Variants in SASH1 observed in about 807,000 individuals in gnomAD.
SASH1 encodes SAM and SH3 domain containing 1, also known as SAM and SH3 domain-containing protein 1.
In SASH1, 44 loss-of-function variants were observed where a neutral mutation model predicts 125.2. That is an observed-to-expected ratio of 0.35 (90% CI 0.28 to 0.45). The LOEUF is 0.45. SASH1 is among the 20% of genes least tolerant of loss of function. The probability of loss-of-function intolerance (pLI) is 1.00; values close to 1 mark genes in which losing one functional copy is unlikely to be tolerated. For synonymous variants in SASH1, 639 were observed against 649.1 expected, an observed-to-expected ratio of 0.98 and a Z score of 0.24; for missense variants, 1,426 against 1,614.5, an observed-to-expected ratio of 0.88 and a Z score of 2.00.
At chr6:148,452,616 C>T (rs1777153466) in intron 4 of SASH1, among the ~76,000 whole-genome samples, 1 of 152,174 alleles carries the variant, frequency 6.6e-6, no homozygotes, top group African/African-American at 2.4e-5. Context: ...AAAGCATGCA[C>T]AAAAACAGCT....
At chr6:148,238,550 G>A in the SASH1 span, among the ~76,000 whole-genome samples, 10 of 151,772 alleles carry the variant, frequency 6.6e-5, no homozygotes, top group African/African-American at 2.4e-4. Context: ...TATACCATAT[G>A]AAGTTTTCCA....
At chr6:148,251,021 C>T in the SASH1 span, among the ~76,000 whole-genome samples, 1 of 152,016 alleles carries the variant, frequency 6.6e-6, no homozygotes, top group Admixed American at 6.6e-5. Flanking sequence ...AAGAGTCATC[C>T]TTAGTAGCTG....
chr6:148,247,332 A>G, the SASH1 span, among the ~76,000 whole-genome samples: 2 of 152,220 alleles, frequency 1.3e-5, no homozygotes, highest in East Asian at 3.9e-4. Flanking sequence ...CTTGGTAAGC[A>G]TGAAATAGAA....
chr6:148,214,140 C>T, the SASH1 span, among the ~76,000 whole-genome samples: 1 of 152,166 alleles, frequency 6.6e-6, no homozygotes, highest in African/African-American at 2.4e-5. Flanking sequence ...GCAATATATT[C>T]AGGCTGGCTT....
At chr6:148,305,875 A>C (rs1780116516) in intron 1 of SASH1, among the ~76,000 whole-genome samples, 1 of 152,174 alleles carries the variant, frequency 6.6e-6, no homozygotes, top group Admixed American at 6.5e-5. Flanking sequence ...TTGTTAAATC[A>C]GGTACCAGAA....
chr6:148,460,098 T>C (rs906049257), intron 4 of SASH1, among the ~76,000 whole-genome samples: 2 of 152,210 alleles, frequency 1.3e-5, no homozygotes, highest in African/African-American at 4.8e-5. Context: ...GCAGGAAAGA[T>C]AATGTTTAGT....
rs146398154 is a variant in SASH1 at position 148,446,022 on chromosome 6, A to G, written c.386+5615A>G. Among the ~76,000 whole-genome samples, 8 of 151,328 alleles carry G rather than the reference A, an allele frequency of 5.3e-5. No individual in the cohort carries two copies. In the East Asian group the frequency reaches 1.4e-3, roughly 26 times the overall value. On this transcript the variant is annotated intron_variant, in intron 4 of 19. Coordinates refer to ENST00000367467, the MANE Select transcript of SASH1 (RefSeq NM_015278.5). ...ATTGGGTCACTTGACCACCATAGCT[A>G]TAAGGGAGTTTAGAGAAGTGAGCAT...
intron 4 of SASH1, among the ~76,000 whole-genome samples, chr6:148,462,030 C>CA (rs1439810086): frequency 6.7e-6 from 1 of 149,240 alleles, no homozygotes; most frequent in Non-Finnish European, 1.5e-5. Context: ...ATGTGTCAGG[C>CA]TTTTTTTTTT....
intron 1 of SASH1, among the ~76,000 whole-genome samples, chr6:148,278,476 A>G (rs1779250365): frequency 6.6e-6 from 1 of 152,056 alleles, no homozygotes. Flanking sequence ...GTCTTTTCAC[A>G]TGTCCTGGAA....
intron 1 of SASH1, among the ~76,000 whole-genome samples, chr6:148,363,590 C>T (rs1405223052): frequency 7.2e-5 from 11 of 152,020 alleles, no homozygotes; most frequent in Non-Finnish European, 1.2e-4. Context: ...TTAGTAGGGA[C>T]GGGGTTTCAC....
the SASH1 span, among the ~76,000 whole-genome samples, chr6:148,250,708 G>A: frequency 6.6e-6 from 1 of 152,070 alleles, no homozygotes; most frequent in South Asian, 2.1e-4. Flanking sequence ...TGATAGGTGG[G>A]CAGAGCTTCC....
At chr6:148,402,357 C>G (rs1269468130) in intron 2 of SASH1, among the ~76,000 whole-genome samples, 1 of 152,138 alleles carries the variant, frequency 6.6e-6, no homozygotes, top group Admixed American at 6.5e-5. Flanking sequence ...GTCACCCAGG[C>G]TGGAGTGAAG....
intron 1 of SASH1, among the ~76,000 whole-genome samples, chr6:148,287,705 G>C (rs1269526055): frequency 1.8e-5 from 1 of 55,488 alleles, no homozygotes; most frequent in African/African-American, 9.1e-5. Context: ...GGGGGGGTGG[G>C]GGGTGGTATT....
In SASH1 at chr6:148,421,170, A is replaced by G. The variant is rs868390631; in HGVS notation, c.286-19014A>G. ...GGAAGAAAGAAAGAAAGAAAGAAAG[A>G]AAGAAAGAAAGAAAGAAAGAAAGAA... On this transcript the variant is annotated intron_variant, in intron 2 of 19. Transcript: ENST00000367467. Among the ~76,000 whole-genome samples, 433 of 128,062 alleles carry G rather than the reference A, an allele frequency of 3.4e-3. 2 individuals are homozygous for G. The highest frequency in any genetic ancestry group is 6.9e-3 in the African/African-American group (253 of 36,564). 84.0% of individuals were successfully genotyped at this position (128,062 alleles called of 152,430 possible).
intron 1 of SASH1, among the ~76,000 whole-genome samples, chr6:148,365,964 T>C (rs190108627): frequency 6.6e-6 from 1 of 152,108 alleles, no homozygotes; most frequent in African/African-American, 2.4e-5. Flanking sequence ...AACACAAAAA[T>C]TAGCCAGGCG....
chr6:148,455,468 G>A (rs943928609), intron 4 of SASH1, among the ~76,000 whole-genome samples: 2 of 152,166 alleles, frequency 1.3e-5, no homozygotes, highest in South Asian at 2.1e-4. Flanking sequence ...AGGTGCTGGT[G>A]CGCTCACAAC....
the SASH1 span, among the ~76,000 whole-genome samples, chr6:148,225,004 G>T: frequency 6.6e-6 from 1 of 152,176 alleles, no homozygotes; most frequent in Non-Finnish European, 1.5e-5. Context: ...GGACCGCTGG[G>T]ATGGTTAGTG....
chr6:148,492,908 T>C (rs1779168738), intron 8 of SASH1, among the ~76,000 whole-genome samples: 1 of 152,140 alleles, frequency 6.6e-6, no homozygotes, highest in African/African-American at 2.4e-5. Context: ...AGATTTGAGA[T>C]GCCATATACA....
intron 1 of SASH1, among the ~76,000 whole-genome samples, chr6:148,361,254 C>T (rs996411008): frequency 5.9e-5 from 9 of 152,206 alleles, no homozygotes; most frequent in African/African-American, 1.9e-4. Flanking sequence ...GATGGCTGCT[C>T]TATTACCACA....
Sources: allele counts gnomAD v4.1 joint callset (sites outside exome capture counted in the v4.1 genomes callset), GRCh38; gene constraint gnomAD v4.1.1; transcripts MANE v1.5; gene names NCBI Gene and HGNC (gene_info 2026-07-23, HGNC 2026-07-21).